The following KDM4C variants were observed in gnomAD, a reference collection of about 807,000 sequenced individuals.
KDM4C encodes the protein lysine-specific demethylase 4C.
KDM4C carries 81 observed loss-of-function variants against 129.3 expected under a neutral mutation model. That is an observed-to-expected ratio of 0.63 (90% CI 0.52 to 0.75). The LOEUF (loss-of-function observed/expected upper bound fraction) is 0.75, where lower values mean the gene tolerates loss of function less well. KDM4C is among the 30% of genes least tolerant of loss of function. The probability of loss-of-function intolerance (pLI) is 0.00; values close to 1 mark genes in which losing one functional copy is unlikely to be tolerated. For synonymous variants in KDM4C, 573 were observed against 456.1 expected (o/e 1.26, Z -3.26); for missense variants, 1,457 against 1,304.0 (o/e 1.12, Z -1.81).
intron 20 of KDM4C, among the ~76,000 whole-genome samples, chr9:7,166,429 A>G (rs1020485676): frequency 3.3e-5 from 4 of 119,834 alleles, no homozygotes; most frequent in Middle Eastern, 3.6e-3. Flanking sequence ...GGGAGGATGT[A>G]TACACATACA....
At chr9:7,093,689 G>A (rs4742307) in intron 17 of KDM4C, among the ~76,000 whole-genome samples, 111,277 of 152,156 alleles carry the variant, frequency 0.73, 40,907 homozygotes, top group Middle Eastern at 0.85. Flanking sequence ...TTACAGAGGA[G>A]ACAATTTTGT....
In KDM4C at chr9:6,768,647, CTTG is replaced by C. The variant is rs1169168567; in HGVS notation, c.-18+10449_-18+10451del. On this transcript the variant is annotated intron_variant, in intron 1 of 21. Coordinates refer to ENST00000381309, the MANE Select transcript of KDM4C (RefSeq NM_015061.6). ...AGTCCAGAATTGTGCAATATGTATT[CTTG>C]TTGTAGGTCTTTTAAGCATCCTTCA... is the stretch of plus-strand genomic sequence containing the variant. 2.0e-5 allele frequency among the ~76,000 whole-genome samples: 3 copies of C among 152,170 alleles called. No individual in the cohort carries two copies. The East Asian group carries it at 5.8e-4, about 29-fold the overall frequency.
intron 8 of KDM4C, among the ~76,000 whole-genome samples, chr9:6,895,095 C>T (rs1038966330): frequency 4.6e-5 from 7 of 152,128 alleles, no homozygotes; most frequent in African/African-American, 1.2e-4. Flanking sequence ...AGTGTTATGG[C>T]CACCCCTTAC....
At chr9:6,827,089 A>T (rs147054967) in intron 4 of KDM4C, among the ~76,000 whole-genome samples, 1 of 152,160 alleles carries the variant, frequency 6.6e-6, no homozygotes, top group African/African-American at 2.4e-5. Context: ...CCTTGCACAG[A>T]CACCCACTGC....
rs538037548 is a variant in KDM4C, at chr9:6,969,951, A to G, written c.922-10974A>G. Among the ~76,000 whole-genome samples, 8 of 152,280 alleles carry G rather than the reference A, an allele frequency of 5.3e-5. 1 individual carries two copies. In the South Asian group the frequency reaches 1.7e-3, roughly 32 times the overall value. On this transcript the variant is annotated intron_variant, in intron 8 of 21. Transcript: ENST00000381309. The stretch of plus-strand genomic sequence containing the variant: ...GGCAGAGATGACTGTTAGCTTCTGT[A>G]GGATAACAAGCTACCGACACATTCC...
chr9:7,093,135 T>G (rs930461641), intron 17 of KDM4C, among the ~76,000 whole-genome samples: 8 of 152,078 alleles, frequency 5.3e-5, no homozygotes, highest in African/African-American at 7.2e-5. Context: ...TGGGGTGGTG[T>G]TACTTCCATG....
intron 1 of KDM4C, among the ~76,000 whole-genome samples, chr9:6,780,115 G>T (rs1362942135): frequency 6.6e-6 from 1 of 152,140 alleles, no homozygotes; most frequent in Non-Finnish European, 1.5e-5. Context: ...ACAGGGCTAA[G>T]TAGGCTATGC....
At chr9:7,084,430 A>G (rs1243992187) in intron 17 of KDM4C, among the ~76,000 whole-genome samples, 25 of 152,228 alleles carry the variant, frequency 1.6e-4, no homozygotes. Context: ...ATAGTCTATT[A>G]TGAAGTGCTT....
intron 8 of KDM4C, chr9:6,925,628 C>A: frequency 1.0e-6 from 1 of 985,400 alleles, no homozygotes; most frequent in Non-Finnish European, 1.2e-6. Context: ...GGCTTGTTTA[C>A]CATCAGCCCT....
intron 13 of KDM4C, among the ~76,000 whole-genome samples, chr9:7,013,098 G>C (rs543006756): frequency 2.6e-5 from 4 of 151,888 alleles, no homozygotes; most frequent in African/African-American, 9.7e-5. Flanking sequence ...ATTATAATCT[G>C]TATATTTCTC....
chr9:7,074,577 A>AT (rs1833658609), intron 17 of KDM4C, among the ~76,000 whole-genome samples: 2 of 152,210 alleles, frequency 1.3e-5, no homozygotes, highest in African/African-American at 4.8e-5. Context: ...TCAGCTTATA[A>AT]GTAAGTTTTG....
In KDM4C at chr9:7,165,350, T is replaced by C. The variant is rs1261442555; in HGVS notation, c.2894T>C (p.Met965Thr). Residue 965 changes from methionine (M) to threonine (T), a missense_variant, in exon 20 of 22, where the codon ATG (methionine) becomes ACG (threonine). Transcript: ENST00000381309. ...TATTTTGGATCAAATATTGCCCACA[T>C]GTACCAGGTGGGTTCTTCCTTCTCT... ...AKYFGSNIAH[M>T]YQVEFEDGSQ... 1 of 1,613,986 alleles carries C rather than the reference T, an allele frequency of 6.2e-7. No individual in the cohort carries two copies. Among genetic ancestry groups the C allele is most frequent in the Admixed American group, 1.7e-5 (1 of 60,000 alleles).
chr9:7,155,604 A>G (rs1320843503), intron 19 of KDM4C, among the ~76,000 whole-genome samples: 2 of 151,994 alleles, frequency 1.3e-5, no homozygotes, highest in Admixed American at 1.3e-4. Flanking sequence ...GAGAACATGC[A>G]GTGTTTGGGT....
intron 17 of KDM4C, chr9:7,077,039 C>T (rs1389368191): frequency 1.0e-6 from 1 of 985,358 alleles, no homozygotes; most frequent in East Asian, 1.1e-4. Flanking sequence ...CACAACAAAG[C>T]AACTGAACGT....
chr9:7,092,932 A>G (rs1214291272), intron 17 of KDM4C, among the ~76,000 whole-genome samples: 1 of 152,204 alleles, frequency 6.6e-6, no homozygotes, highest in Non-Finnish European at 1.5e-5. Context: ...TGGAAAGTGC[A>G]TTATAAAAGC....
At position 6,849,499 on chromosome 9, in the gene KDM4C, C is replaced by G. The variant is rs374224697; in HGVS notation, c.436-8C>G. 1.3e-6 allele frequency: 2 copies of G among 1,511,178 alleles called. No individual in the cohort carries two copies. The highest frequency in any genetic ancestry group is 1.4e-5 in the South Asian group (1 of 72,020). 93.6% of individuals were successfully genotyped at this position (1,511,178 alleles called of 1,614,324 possible). ...GATTTCTCTCTCTTTTTTTCTCTCT[C>G]ATTCCAGGGTGTGGATGAATGGAAC... On this transcript the variant is annotated splice_polypyrimidine_tract_variant and splice_region_variant and intron_variant, in intron 4 of 21. Coordinates refer to ENST00000381309, the MANE Select transcript of KDM4C (RefSeq NM_015061.6).
Position 6,921,633 on chromosome 9 carries a change from T to C in KDM4C, c.921+28401T>C, listed in dbSNP as rs568594281. On this transcript the variant is annotated intron_variant, in intron 8 of 21. Transcript: ENST00000381309. ...TCTTACTATTTCTCTCTATTCTTTA[T>C]TCGGCAGCCAGCATGACAGCTTTAA... Among the ~76,000 whole-genome samples, 3 of 152,350 alleles carry C rather than the reference T, an allele frequency of 2.0e-5. No individual in the cohort carries two copies. The South Asian group carries it at 6.2e-4, about 32-fold the overall frequency.
At chr9:6,933,094 A>G (rs1169786161) in intron 8 of KDM4C, among the ~76,000 whole-genome samples, 3 of 152,248 alleles carry the variant, frequency 2.0e-5, no homozygotes. Context: ...CGTAAGAAGT[A>G]TGTATTGCAT....
At chr9:7,102,835 C>T (rs1014568858) in intron 17 of KDM4C, among the ~76,000 whole-genome samples, 1 of 152,142 alleles carries the variant, frequency 6.6e-6, no homozygotes, top group African/African-American at 2.4e-5. Flanking sequence ...CTTTCCAGAC[C>T]TAACCCTATG....
Sources: gnomAD v4.1 joint callset for allele counts (sites outside exome capture counted in the v4.1 genomes callset) on GRCh38, gnomAD v4.1.1 for gene constraint, MANE v1.5 for transcripts, NCBI Gene and HGNC (gene_info 2026-07-23, HGNC 2026-07-21) for gene names.